RYR3: variants seen among roughly 807,000 people sequenced by gnomAD.
RYR3 encodes brain ryanodine receptor-calcium release channel.
RYR3 carries 207 observed loss-of-function variants against 584.3 expected under a neutral mutation model. That is an observed-to-expected ratio of 0.35 (90% CI 0.32 to 0.40). RYR3 has a LOEUF of 0.40. Ranked by LOEUF, RYR3 falls within the 10% of genes least tolerant of loss-of-function variation. The pLI is 1.00. For synonymous variants in RYR3, 2,416 were observed against 2,248.5 expected, an observed-to-expected ratio of 1.07 and a Z score of -2.11; for missense variants, 5,616 against 6,089.2, an observed-to-expected ratio of 0.92 and a Z score of 2.59.
chr15:33,398,307 G>T (rs147364165), intron 1 of RYR3, among the ~76,000 whole-genome samples: 1,815 of 152,300 alleles, frequency 0.012, 23 homozygotes, highest in Non-Finnish European at 0.014. Flanking sequence ...ACAATGCTGT[G>T]GGTATCAGGC....
At chr15:33,385,705 C>CTTTTTT (rs1567139235) in intron 1 of RYR3, among the ~76,000 whole-genome samples, 1 of 75,680 alleles carries the variant, frequency 1.3e-5, no homozygotes, top group African/African-American at 5.4e-5. Flanking sequence ...TTTTCTTTTT[C>CTTTTTT]TTTTCTTTTT....
chr15:33,688,774 G>A lies in RYR3; in HGVS notation c.5861-7444G>A, dbSNP rs558987792. ...AAACAGGGATGCTTTTACACTGTTG[G>A]TGGAAGTGTAAAGTAGTTCAACCAT... is the stretch of plus-strand genomic sequence containing the variant. On this transcript the variant is annotated intron_variant, in intron 38 of 103. Transcript: ENST00000634891. Among the ~76,000 whole-genome samples, 12 of 152,264 alleles carry A rather than the reference G, an allele frequency of 7.9e-5. No individual in the cohort carries two copies. The East Asian group carries it at 2.3e-3, about 29-fold the overall frequency.
intron 27 of RYR3, among the ~76,000 whole-genome samples, chr15:33,640,257 C>T (rs1377304299): frequency 6.6e-6 from 1 of 152,232 alleles, no homozygotes; most frequent in African/African-American, 2.4e-5. Context: ...ATTCTCTCTC[C>T]AGATGGGTCT....
At chr15:33,661,998 C>G (rs1371038384) in intron 34 of RYR3, among the ~76,000 whole-genome samples, 155 bp from the exon 35 acceptor site, 2 of 152,186 alleles carry the variant, frequency 1.3e-5, no homozygotes, top group Admixed American at 6.5e-5. Flanking sequence ...GAATACGGAC[C>G]AGAGCTGAGA....
At chr15:33,535,003 C>T (rs185610590) in intron 5 of RYR3, among the ~76,000 whole-genome samples, 2 of 152,280 alleles carry the variant, frequency 1.3e-5, no homozygotes, top group Admixed American at 1.3e-4. Flanking sequence ...TTTGGTAGAG[C>T]CTTCACTAAA....
chr15:33,501,556 A>G (rs553437585), intron 2 of RYR3, among the ~76,000 whole-genome samples: 18 of 152,210 alleles, frequency 1.2e-4, no homozygotes, highest in Non-Finnish European at 2.2e-4. Flanking sequence ...CAAATCATTC[A>G]TTCTGATGAA....
chr15:33,862,991 G>C (rs1437753958), intron 102 of RYR3, among the ~76,000 whole-genome samples: 1 of 152,170 alleles, frequency 6.6e-6, no homozygotes, highest in African/African-American at 2.4e-5. Context: ...TTCCCATTAA[G>C]AGAATATACA....
In RYR3 at chr15:33,748,253, C is replaced by G. The variant is rs760894193; in HGVS notation, c.8129C>G (p.Ala2710Gly). ...GAGAAGCTTCGAAGTGTGTCCCAGGCCAACCAGGTATGACACCACACCCAG... is the reference window on the plus strand; with the variant it reads ...GAGAAGCTTCGAAGTGTGTCCCAGGGCAACCAGGTATGACACCACACCCAG... Reference protein sequence around the residue: ...ENEKLRSVSQANQGNSYSPAP... With the variant: ...ENEKLRSVSQGNQGNSYSPAP... Residue 2710 changes from alanine (A) to glycine (G), a missense_variant, in exon 54 of 104, where the codon GCC becomes GGC. By Grantham distance (60) the Ala-to-Gly change is moderately conservative. This residue lies in a region of RYR3 where 1,280 missense variants were observed against 1,426.2 expected (regional missense o/e 0.90). Transcript: ENST00000634891. The G allele has an allele frequency of 6.2e-7, 1 of 1,613,624 alleles. No homozygotes were observed. The highest frequency in any genetic ancestry group is 8.5e-7 in the Non-Finnish European group (1 of 1,179,786).
chr15:33,607,353 A>G (rs2059957734), intron 18 of RYR3, among the ~76,000 whole-genome samples: 1 of 152,174 alleles, frequency 6.6e-6, no homozygotes, highest in South Asian at 2.1e-4. Flanking sequence ...CGGGTTTGGA[A>G]TGGCCTTTCC....
At chr15:33,850,895 A>G (rs2079063046) in intron 94 of RYR3, 1 of 152,188 alleles carries the variant, frequency 6.6e-6, no homozygotes, top group African/African-American at 2.4e-5. Context: ...CAGTGATATT[A>G]GTGATATTCA....
At position 33,793,997 on chromosome 15, in the gene RYR3, TATA is replaced by T. The variant is rs890917489; in HGVS notation, c.9830+5543_9830+5545del. ...ATATATAAATAAATATATAAATACA[TATA>T]ATACACATAAATATATATTATATAT... On this transcript the variant is annotated intron_variant, in intron 67 of 103. Coordinates refer to ENST00000634891, the MANE Select transcript of RYR3 (RefSeq NM_001036.6). Among the ~76,000 whole-genome samples, 67 of 83,874 alleles carry T rather than the reference TATA, an allele frequency of 8.0e-4. 1 individual carries two copies. The highest frequency in any genetic ancestry group is 6.8e-3 in the Middle Eastern group (1 of 146). The allele number at this position is 83,874 out of a possible 152,430, so 55.0% of individuals were successfully genotyped here. A position where few individuals can be genotyped will look rare whatever the true frequency, so the allele number is the denominator to read the frequency against.
At chr15:33,750,097 G>A (rs2071132915) in intron 56 of RYR3, 43 bp downstream of exon 56, 2 of 1,607,366 alleles carry the variant, frequency 1.2e-6, no homozygotes, top group Non-Finnish European at 8.5e-7. Context: ...CTGAACCGGG[G>A]CAGCTATGGT....
chr15:33,545,098 AG>A (rs1407867552), intron 8 of RYR3, among the ~76,000 whole-genome samples: 2 of 152,184 alleles, frequency 1.3e-5, no homozygotes, highest in Non-Finnish European at 2.9e-5. Context: ...TCTGTATCTA[AG>A]ATGGAATACA....
At chr15:33,429,790 G>A (rs2044966984) in intron 1 of RYR3, among the ~76,000 whole-genome samples, 1 of 152,248 alleles carries the variant, frequency 6.6e-6, no homozygotes, top group Non-Finnish European at 1.5e-5. Context: ...CTAAGTGACT[G>A]GGTAGCACTG....
rs867529113 is a variant in RYR3, at chr15:33,649,160, G to C, written c.4067G>C (p.Ser1356Thr). The C allele has an allele frequency of 1.4e-5, 23 of 1,613,816 alleles. No homozygotes were observed. The highest frequency in any genetic ancestry group is 1.9e-5 in the Non-Finnish European group (22 of 1,179,852). ...GWVTPDYHLY[S>T]EKFDLNKNCT... ...GTGACTCCAGACTATCACTTGTACA[G>C]TGAAAAGTTTGACCTGAATAAAAAC... The change falls in exon 31 of 104, where the codon AGT (serine) becomes ACT (threonine). Residue 1356 changes from serine to threonine, a missense_variant. This residue lies in a region of RYR3 where 753 missense variants were observed against 741.0 expected (regional missense o/e 1.02). Coordinates refer to ENST00000634891, the MANE Select transcript of RYR3 (RefSeq NM_001036.6).
chr15:33,686,802 C>G (rs568436288), intron 38 of RYR3, among the ~76,000 whole-genome samples: 53 of 152,220 alleles, frequency 3.5e-4, no homozygotes, highest in Non-Finnish European at 6.0e-4. Flanking sequence ...ATCACATAAA[C>G]AGAACCAAAG....
chr15:33,423,017 C>T (rs2044348213), intron 1 of RYR3, among the ~76,000 whole-genome samples: 1 of 151,998 alleles, frequency 6.6e-6, no homozygotes, highest in Admixed American at 6.6e-5. Context: ...ATTGAGTTTG[C>T]CATTTTAACA....
intron 16 of RYR3, 119 bp from the exon 17 acceptor site, chr15:33,601,300 C>A: frequency 1.0e-6 from 1 of 986,522 alleles, no homozygotes; most frequent in Non-Finnish European, 1.5e-6. Flanking sequence ...TCTGAGCTGG[C>A]TCTCTACCCG....
chr15:33,503,731 G>A lies in RYR3; in HGVS notation c.272G>A (p.Gly91Asp), dbSNP rs1415782862. Reference sequence around the variant, plus strand: ...CTTGCCAACACAGGTGAAAATGGCGGCGAAGGGGTGAGTACCCGAATTGTG... The same window carrying A: ...CTTGCCAACACAGGTGAAAATGGCGACGAAGGGGTGAGTACCCGAATTGTG... ...EMLANTGENG[G>D]EGAAQGGGHR... is the part of the protein sequence containing the mutation. Residue 91 changes from glycine to aspartate, a missense_variant, in exon 3 of 104, where the codon GGC becomes GAC. Gly to Asp is a moderately conservative substitution (Grantham distance 94). Around this residue, in one of 9 missense-constraint regions of RYR3, gnomAD observed 1,284 missense variants for 1,344.6 expected, o/e 0.95. Coordinates refer to ENST00000634891, the MANE Select transcript of RYR3 (RefSeq NM_001036.6). 3 of 1,606,160 alleles carry A rather than the reference G, an allele frequency of 1.9e-6. No individual in the cohort carries two copies. The highest frequency in any genetic ancestry group is 1.6e-4 in the Middle Eastern group (1 of 6,080).
Sources: allele counts gnomAD v4.1 joint callset (sites outside exome capture counted in the v4.1 genomes callset), GRCh38; gene constraint gnomAD v4.1.1; regional missense constraint gnomAD v4.1.1; transcripts MANE v1.5; gene names NCBI Gene and HGNC (gene_info 2026-07-23, HGNC 2026-07-21).